The following FYTTD1 variants were observed in gnomAD, a reference collection of about 807,000 sequenced individuals.
The protein encoded by FYTTD1 is UAP56-interacting factor.
Under a neutral mutation model 40.9 loss-of-function variants are expected in FYTTD1, and 22 were observed. The observed-to-expected ratio is 0.54, with a 90% CI of 0.38 to 0.77. FYTTD1 has a LOEUF of 0.77. Among genes scored for constraint, FYTTD1 ranks in the 30% least tolerant of loss-of-function variants. The pLI, the probability that FYTTD1 is intolerant of heterozygous loss-of-function variation, is 0.00. For synonymous variants in FYTTD1, 140 were observed against 137.9 expected (o/e 1.01, Z -0.10); for missense variants, 351 against 392.2 (o/e 0.90, Z 0.89).
At chr3:197,753,974 T>G (rs1352873927) in intron 1 of FYTTD1, among the ~76,000 whole-genome samples, 1 of 152,114 alleles carries the variant, frequency 6.6e-6, no homozygotes, top group Non-Finnish European at 1.5e-5. Context: ...TCTCCTGACC[T>G]CATGATCCGC....
In FYTTD1 at chr3:197,781,975, C is replaced by T. The variant is rs760844351; in HGVS notation, c.*66C>T. On this transcript the variant is annotated 3_prime_UTR_variant, in exon 9 of 9. Transcript: ENST00000241502. ...GTTGAATTGCTTGAAGAGTTCATCA[C>T]GGAAATTCAAGAAACTTTACTTCAA... 1.3e-4 allele frequency: 115 copies of T among 885,048 alleles called. No homozygotes were observed. Among genetic ancestry groups the T allele is most frequent in the South Asian group, 3.2e-4 (13 of 40,160 alleles). 54.8% of individuals were successfully genotyped at this position (885,048 alleles called of 1,614,324 possible). A position where few individuals can be genotyped will look rare whatever the true frequency, so the allele number is the denominator to read the frequency against.
rs1268473522 is a variant in FYTTD1, at chr3:197,773,514, T to C, written c.594+15T>C. The C allele has an allele frequency of 2.1e-6, 3 of 1,431,230 alleles. No individual in the cohort carries two copies. The highest frequency in any genetic ancestry group is 1.5e-5 in the African/African-American group (1 of 66,808). 88.7% of individuals were successfully genotyped at this position (1,431,230 alleles called of 1,614,324 possible). ...GAGGCCTGAAGGTATTTAAAAACTT[T>C]GGCAGTGTTTTTGTTTGTTTGTTTG... On this transcript the variant is annotated intron_variant, in intron 5 of 8. Transcript: ENST00000241502.
intron 1 of FYTTD1, chr3:197,755,713 C>T: frequency 9.0e-7 from 1 of 1,116,980 alleles, no homozygotes; most frequent in Non-Finnish European, 1.3e-6. Context: ...GTCCCGAACT[C>T]CTGACCTCAA....
At chr3:197,781,546 TTGG>T (rs1189183575) in intron 8 of FYTTD1, among the ~76,000 whole-genome samples, 1 of 152,116 alleles carries the variant, frequency 6.6e-6, no homozygotes, top group Non-Finnish European at 1.5e-5. Flanking sequence ...ACATCATGAG[TTGG>T]TGGCAGTGTT....
At chr3:197,778,647 G>A (rs771789669) in intron 8 of FYTTD1, among the ~76,000 whole-genome samples, 183 bp downstream of exon 8, 3 of 152,040 alleles carry the variant, frequency 2.0e-5, no homozygotes, top group South Asian at 4.2e-4. Flanking sequence ...CAGCTCATAC[G>A]GTATACATTT....
At chr3:197,769,257 T>G (rs1729641393) in intron 3 of FYTTD1, among the ~76,000 whole-genome samples, 1 of 151,268 alleles carries the variant, frequency 6.6e-6, no homozygotes, top group Non-Finnish European at 1.5e-5. Flanking sequence ...CTGGCTAATT[T>G]TTGTATTTTT....
rs1729616919 is a variant in FYTTD1, at chr3:197,768,501, G to A, written c.298G>A (p.Gly100Arg). The A allele has an allele frequency of 6.2e-7, 1 of 1,612,870 alleles. No homozygotes were observed. Among genetic ancestry groups the A allele is most frequent in the South Asian group, 1.1e-5 (1 of 91,014 alleles). The change falls in exon 3 of 9, where the codon GGA (glycine) becomes AGA (arginine). Residue 100 changes from glycine to arginine, a missense_variant. Gly to Arg is a moderately radical substitution (Grantham distance 125, BLOSUM62 -2). Coordinates refer to ENST00000241502, the MANE Select transcript of FYTTD1 (RefSeq NM_032288.7). ...RVMPGKRRPN[G>R]VITGLAARKT... The stretch of plus-strand genomic sequence containing the variant: ...AATGCCTGGAAAGAGACGTCCTAAT[G>A]GAGTTATCACTGGCCTTGCAGCTAG...
At chr3:197,758,085 G>A (rs1341906011) in intron 2 of FYTTD1, among the ~76,000 whole-genome samples, 1 of 152,044 alleles carries the variant, frequency 6.6e-6, no homozygotes, top group African/African-American at 2.4e-5. Flanking sequence ...GTATTTTTAG[G>A]AGAGACAGGG....
intron 3 of FYTTD1, among the ~76,000 whole-genome samples, chr3:197,769,087 T>C (rs185872523): frequency 6.6e-6 from 1 of 151,084 alleles, no homozygotes; most frequent in Non-Finnish European, 1.5e-5. Context: ...TTTTTTTGTT[T>C]GTTTGTTTTT....
chr3:197,779,586 A>C lies in FYTTD1; in HGVS notation c.858+1122A>C, dbSNP rs1390662409. Among the ~76,000 whole-genome samples, 3 of 129,424 alleles carry C rather than the reference A, an allele frequency of 2.3e-5. No individual in the cohort carries two copies. The East Asian group carries it at 7.3e-4, about 32-fold the overall frequency. The allele number at this position is 129,424 out of a possible 152,430, so 84.9% of individuals were successfully genotyped here. A position where few individuals can be genotyped will look rare whatever the true frequency, so the allele number is the denominator to read the frequency against. ...CACTCTGTCACCAGGACTGGAATGC[A>C]GTGGCATAATCATAGCTCACTGTAG... On this transcript the variant is annotated intron_variant, in intron 8 of 8. Coordinates refer to ENST00000241502, the MANE Select transcript of FYTTD1 (RefSeq NM_032288.7).
In FYTTD1 at chr3:197,783,196, A is replaced by T. The variant is rs7643554; in HGVS notation, c.*1287A>T. 1.3e-5 allele frequency: 2 copies of T among 152,752 alleles called. No homozygotes were observed. The highest frequency in any genetic ancestry group is 3.9e-4 in the East Asian group (2 of 5,190). 9.5% of individuals were successfully genotyped at this position (152,752 alleles called of 1,614,324 possible). On this transcript the variant is annotated 3_prime_UTR_variant, in exon 9 of 9. Coordinates refer to ENST00000241502, the MANE Select transcript of FYTTD1 (RefSeq NM_032288.7). ...CCAGATGTTGTATACTGTAAATTAC[A>T]GTATAATGCCAAATGCAGCAAAATC...
chr3:197,764,087 T>C (rs943633868), intron 2 of FYTTD1, among the ~76,000 whole-genome samples: 1 of 152,078 alleles, frequency 6.6e-6, no homozygotes, highest in African/African-American at 2.4e-5. Flanking sequence ...TGTAAAAGGG[T>C]CTTCATAAAG....
chr3:197,785,570 C>T lies in FYTTD1; in HGVS notation c.*3661C>T, dbSNP rs905323240. On this transcript the variant is annotated 3_prime_UTR_variant, in exon 9 of 9. Transcript: ENST00000241502. Reference sequence around the variant, plus strand: ...AGCTTTGTAATTCACACAAAGTATACGGGCCCAGCAGGCCTCATTGCTCAG... The same window carrying T: ...AGCTTTGTAATTCACACAAAGTATATGGGCCCAGCAGGCCTCATTGCTCAG... 5.3e-5 allele frequency: 8 copies of T among 152,012 alleles called. No individual in the cohort carries two copies. Among genetic ancestry groups the T allele is most frequent in the South Asian group, 2.1e-4 (1 of 4,790 alleles). 9.4% of individuals were successfully genotyped at this position (152,012 alleles called of 1,614,324 possible).
At chr3:197,767,728 C>T (rs1729594038) in intron 2 of FYTTD1, among the ~76,000 whole-genome samples, 1 of 152,186 alleles carries the variant, frequency 6.6e-6, no homozygotes. Flanking sequence ...GCCGGGATTA[C>T]AGGCGTGAGC....
intron 1 of FYTTD1, chr3:197,750,576 T>TCGCCGGGCGTTCCAGGCCGG: frequency 1.0e-6 from 1 of 983,518 alleles, no homozygotes; most frequent in Non-Finnish European, 1.2e-6. Context: ...CTTTCCCTGG[T>TCGCCGGGCGTTCCAGGCCGG]CGCCGGGCGT....
At chr3:197,756,904 A>G (rs968704273) in intron 2 of FYTTD1, among the ~76,000 whole-genome samples, 1 of 152,180 alleles carries the variant, frequency 6.6e-6, no homozygotes, top group Non-Finnish European at 1.5e-5. Context: ...TGGATGACTA[A>G]CTCCAGCTTA....
chr3:197,751,452 C>T (rs1034443022), intron 1 of FYTTD1, among the ~76,000 whole-genome samples: 1 of 152,140 alleles, frequency 6.6e-6, no homozygotes, highest in Non-Finnish European at 1.5e-5. Context: ...TCGAGACCAG[C>T]CCGGGCAGCA....
At chr3:197,769,581 A>G (rs1289907540) in intron 3 of FYTTD1, among the ~76,000 whole-genome samples, 1 of 152,234 alleles carries the variant, frequency 6.6e-6, no homozygotes, top group East Asian at 1.9e-4. Context: ...AGGAAGAAAA[A>G]GAGGATGTCT....
intron 1 of FYTTD1, chr3:197,750,638 C>T (rs1728993097): frequency 4.1e-6 from 4 of 985,306 alleles, no homozygotes; most frequent in Non-Finnish European, 4.8e-6. Context: ...GGGCCACCTC[C>T]GGCCGCGGCC....
Sources: gnomAD v4.1 joint callset for allele counts (sites outside exome capture counted in the v4.1 genomes callset) on GRCh38, gnomAD v4.1.1 for gene constraint, MANE v1.5 for transcripts, NCBI Gene and HGNC (gene_info 2026-07-23, HGNC 2026-07-21) for gene names.